The following LAMC2 variants were observed in gnomAD, a reference collection of about 807,000 sequenced individuals.
The protein encoded by LAMC2 is laminin subunit gamma-2.
LAMC2 carries 97 observed loss-of-function variants against 140.2 expected under a neutral mutation model. The ratio of observed to expected loss-of-function variants is 0.69; its 90% confidence interval spans 0.59 to 0.82. The LOEUF is 0.82. LAMC2 is among the 40% of genes least tolerant of loss of function. The pLI is 0.00. For missense variants in LAMC2, 1,402 were observed against 1,476.1 expected (o/e 0.95, Z 0.82); for synonymous variants, 513 against 540.2 (o/e 0.95, Z 0.70).
At position 183,228,254 on chromosome 1, in the gene LAMC2, G is replaced by T. The variant is rs756682902; in HGVS notation, c.1469-120G>T. ...CTGCTCCTGAGGGCTTTGTTCTGGG[G>T]TCCCTAGGGAAGCACATTTCTCTGG... On this transcript the variant is annotated intron_variant, in intron 10 of 22. Coordinates refer to ENST00000264144, the MANE Select transcript of LAMC2 (RefSeq NM_005562.3). The surrounding 1 kb of genome is among the most constrained non-coding windows in gnomAD (Gnocchi z 4.3). 2.3e-5 allele frequency: 31 copies of T among 1,343,202 alleles called. No individual in the cohort carries two copies. Among genetic ancestry groups the T allele is most frequent in the Non-Finnish European group, 2.9e-5 (28 of 949,406 alleles). 83.2% of individuals were successfully genotyped at this position (1,343,202 alleles called of 1,614,324 possible).
At chr1:183,221,059 T>C in intron 5 of LAMC2, 98 bp downstream of exon 5, 3 of 1,162,082 alleles carry the variant, frequency 2.6e-6, no homozygotes, top group Non-Finnish European at 3.8e-6. Context: ...GGATTCTCTT[T>C]AGAAATTCTC....
intron 2 of LAMC2, among the ~76,000 whole-genome samples, chr1:183,211,417 CAT>C (rs1322633520): frequency 5.9e-5 from 9 of 152,150 alleles, no homozygotes; most frequent in Non-Finnish European, 1.0e-4. Context: ...TTATTTAAAA[CAT>C]GTTTTTAAAT....
Position 183,223,241 on chromosome 1 carries a change from A to T in LAMC2, c.870A>T (p.Glu290Asp), listed in dbSNP as rs1225857233. Residue 290 changes from glutamate (E) to aspartate (D), a missense_variant, in exon 7 of 23, where the codon GAA becomes GAT. Glu to Asp is a conservative substitution (Grantham distance 45, BLOSUM62 2). Transcript: ENST00000264144. The stretch of plus-strand genomic sequence containing the variant: ...CATCTGCCCATGATGTGATTCTGGA[A>T]GGTGCTGGTCTACGGATCACAGCTC... ...RHPSAHDVIL[E>D]GAGLRITAPL... 1 of 1,614,228 alleles carries T rather than the reference A, an allele frequency of 6.2e-7. No individual in the cohort carries two copies. The highest frequency in any genetic ancestry group is 1.7e-5 in the Admixed American group (1 of 60,026).
At position 183,237,345 on chromosome 1, in the gene LAMC2, C is replaced by T. The variant is rs986539191; in HGVS notation, c.2602-7C>T. 1 of 1,613,954 alleles carries T rather than the reference C, an allele frequency of 6.2e-7. No homozygotes were observed. Among genetic ancestry groups the T allele is most frequent in the African/African-American group, 1.3e-5 (1 of 74,994 alleles). On this transcript the variant is annotated splice_polypyrimidine_tract_variant and splice_region_variant and intron_variant, in intron 17 of 22. Transcript: ENST00000264144. ...AGTCAGACTCCCTGGTTTCTTTGGG[C>T]TCATAGGTGGAAGAAGCAAAGAGGA... is the stretch of plus-strand genomic sequence containing the variant.
chr1:183,235,143 A>G (rs578207105), intron 15 of LAMC2, among the ~76,000 whole-genome samples: 1 of 152,288 alleles, frequency 6.6e-6, no homozygotes, highest in South Asian at 2.1e-4. Context: ...AAAAGTATCC[A>G]GGGAATTTTT....
intron 2 of LAMC2, 114 bp from the exon 3 acceptor site, chr1:183,215,339 G>T: frequency 8.6e-7 from 1 of 1,163,714 alleles, no homozygotes; most frequent in Non-Finnish European, 1.3e-6. Flanking sequence ...GCAGCAGATG[G>T]TGCTTCTTAC....
Position 183,223,435 on chromosome 1 carries a change from AC to A in LAMC2, c.953+113del, listed in dbSNP as rs1400104613. 3.0e-6 allele frequency: 3 copies of A among 1,012,972 alleles called. No homozygotes were observed. The African/African-American group carries it at 4.7e-5, about 16-fold the overall frequency. The allele number at this position is 1,012,972 out of a possible 1,614,324, so 62.7% of individuals were successfully genotyped here. The stretch of plus-strand genomic sequence containing the variant: ...ATTTGTTCAACAAGCCTTTCTGAGC[AC>A]CTTTTACGTACCATGAAGGTTGCTA... On this transcript the variant is annotated intron_variant, in intron 7 of 22. Coordinates refer to ENST00000264144, the MANE Select transcript of LAMC2 (RefSeq NM_005562.3).
At chr1:183,255,695 A>ATTTTTTTTTT in the LAMC2 span, among the ~76,000 whole-genome samples, 1 of 129,640 alleles carries the variant, frequency 7.7e-6, no homozygotes, top group African/African-American at 2.9e-5. Context: ...ACAGAGTCTC[A>ATTTTTTTTTT]CTCTGTCACC....
Position 183,228,659 on chromosome 1 carries a change from TG to T in LAMC2, c.1714+41del. The stretch of plus-strand genomic sequence containing the variant: ...CAGGCAGGCTGTGTCTGTGCGTGCC[TG>T]TGTACGTATGCACTTGCTTGCCATC... On this transcript the variant is annotated intron_variant, in intron 11 of 22. Transcript: ENST00000264144. The surrounding 1 kb of genome is among the most constrained non-coding windows in gnomAD (Gnocchi z 4.3). 1.9e-6 allele frequency: 3 copies of T among 1,611,556 alleles called. No homozygotes were observed. The South Asian group carries it at 3.3e-5, about 18-fold the overall frequency.
In LAMC2 at chr1:183,243,631, T is replaced by C; in HGVS notation, c.*231T>C. The C allele has an allele frequency of 3.5e-6, 2 of 579,592 alleles. No individual in the cohort carries two copies. Among genetic ancestry groups the C allele is most frequent in the East Asian group, 5.9e-5 (2 of 33,638 alleles). The allele number at this position is 579,592 out of a possible 1,614,324, so 35.9% of individuals were successfully genotyped here. Reference sequence around the variant, plus strand: ...AGGCAGATAGCACTGGGTGTGAGAATGATCAAGGATCTGGACCCCAAAGAA... The same window carrying C: ...AGGCAGATAGCACTGGGTGTGAGAACGATCAAGGATCTGGACCCCAAAGAA... On this transcript the variant is annotated 3_prime_UTR_variant, in exon 23 of 23. Transcript: ENST00000264144.
chr1:183,222,645 C>A (rs752638984), intron 6 of LAMC2, among the ~76,000 whole-genome samples: 34 of 151,284 alleles, frequency 2.2e-4, no homozygotes, highest in Non-Finnish European at 2.2e-4. Flanking sequence ...GGCTAGAATT[C>A]CGATCCCAGT....
At chr1:183,224,967 A>T (rs1659582918) in intron 7 of LAMC2, among the ~76,000 whole-genome samples, 1 of 152,206 alleles carries the variant, frequency 6.6e-6, no homozygotes, top group African/African-American at 2.4e-5. Context: ...CTCCAGCCTG[A>T]CATAGCTTCT....
chr1:183,208,384 G>T (rs944164211), intron 2 of LAMC2, among the ~76,000 whole-genome samples: 2 of 152,090 alleles, frequency 1.3e-5, no homozygotes, highest in East Asian at 3.9e-4. Flanking sequence ...ACTTTTCCAG[G>T]CAGGTGACAG....
the LAMC2 span, among the ~76,000 whole-genome samples, chr1:183,256,434 A>C: frequency 6.6e-6 from 1 of 152,286 alleles, no homozygotes; most frequent in South Asian, 2.1e-4. Flanking sequence ...AAAATTAAAA[A>C]ATTTAAAAAA....
At chr1:183,239,936 T>C in intron 20 of LAMC2, 104 bp from the exon 21 acceptor site, 1 of 1,270,710 alleles carries the variant, frequency 7.9e-7, no homozygotes. Context: ...ATTTACTCCA[T>C]CAGGGCCCGG....
At position 183,240,336 on chromosome 1, in the gene LAMC2, T is replaced by G. The variant is rs201445121; in HGVS notation, c.3273T>G (p.Ala1091=). 5.6e-5 allele frequency: 91 copies of G among 1,614,070 alleles called. No individual in the cohort carries two copies. Among genetic ancestry groups the G allele is most frequent in the Non-Finnish European group, 7.4e-5 (87 of 1,180,042 alleles). The change falls in exon 22 of 23, where the codon GCT becomes GCG. Residue 1091 remains alanine, a synonymous_variant. Coordinates refer to ENST00000264144, the MANE Select transcript of LAMC2 (RefSeq NM_005562.3). ...AQKVDTRAKN[A]GVTIQDTLNT... ...AGGTTGATACCAGAGCCAAGAACGC[T>G]GGGGTTACAATCCAAGACACACTCA...
chr1:183,239,494 T>A lies in LAMC2; in HGVS notation c.3000T>A (p.Ala1000=), dbSNP rs78793848. 1,938 of 1,613,816 alleles carry A rather than the reference T, an allele frequency of 1.2e-3. 22 individuals are homozygous for A. In the African/African-American group the frequency reaches 0.023, roughly 19 times the overall value. Residue 1000 remains alanine (A), a synonymous_variant, in exon 20 of 23, where the codon GCT becomes GCA. Transcript: ENST00000264144. ...TQQAERALGS[A]AADAQRAKNG... Reference sequence around the variant, plus strand: ...AAGCAGAAAGAGCCCTGGGGAGCGCTGCTGCTGATGCACAGAGGGCAAAGA... The same window carrying A: ...AAGCAGAAAGAGCCCTGGGGAGCGCAGCTGCTGATGCACAGAGGGCAAAGA...
At chr1:183,236,708 T>C in intron 17 of LAMC2, 104 bp downstream of exon 17, 3 of 1,365,990 alleles carry the variant, frequency 2.2e-6, no homozygotes, top group Non-Finnish European at 3.1e-6. Flanking sequence ...TTTCTCCATG[T>C]TGACCATTTC....
chr1:183,237,585 C>A, intron 18 of LAMC2, 81 bp downstream of exon 18: 2 of 1,324,360 alleles, frequency 1.5e-6, no homozygotes, highest in Non-Finnish European at 2.1e-6. Context: ...GAAGAATAAT[C>A]AAAAGCTCTC....
Sources: gnomAD v4.1 joint callset for allele counts (sites outside exome capture counted in the v4.1 genomes callset) on GRCh38, gnomAD v4.1.1 for gene constraint, Gnocchi (gnomAD v3.1) non-coding constraint, MANE v1.5 for transcripts, NCBI Gene and HGNC (gene_info 2026-07-23, HGNC 2026-07-21) for gene names.